LRP1B: variants seen among roughly 807,000 people sequenced by gnomAD.
The protein encoded by LRP1B is low-density lipoprotein receptor-related protein 1B.
LRP1B carries 217 observed loss-of-function variants against 556.6 expected under a neutral mutation model. That is an observed-to-expected ratio of 0.39 (90% CI 0.35 to 0.44). The LOEUF (loss-of-function observed/expected upper bound fraction) is 0.44, where lower values mean the gene tolerates loss of function less well. Among genes scored for constraint, LRP1B ranks in the 20% least tolerant of loss-of-function variants. The probability of loss-of-function intolerance (pLI) is 1.00; values close to 1 mark genes in which losing one functional copy is unlikely to be tolerated. For synonymous variants in LRP1B, 2,047 were observed against 1,865.8 expected (o/e 1.10, Z -2.50); for missense variants, 5,053 against 5,620.8 (o/e 0.90, Z 3.23).
chr2:141,692,627 T>G (rs1322667549), intron 2 of LRP1B, among the ~76,000 whole-genome samples: 1 of 151,960 alleles, frequency 6.6e-6, no homozygotes, highest in Non-Finnish European at 1.5e-5. Context: ...ATTAGAGTCA[T>G]GAGTCCCTCC....
intron 32 of LRP1B, among the ~76,000 whole-genome samples, chr2:140,784,432 G>T (rs886962074): frequency 2.5e-5 from 3 of 117,830 alleles, no homozygotes; most frequent in African/African-American, 8.3e-5. Context: ...AAAAGGCTCA[G>T]TGCAGCTATT....
At chr2:141,135,378 C>T (rs1292478039) in intron 7 of LRP1B, among the ~76,000 whole-genome samples, 2 of 151,940 alleles carry the variant, frequency 1.3e-5, no homozygotes, top group African/African-American at 2.4e-5. Context: ...TTGAGTGCTG[C>T]AGGTGGCATT....
chr2:141,681,821 C>T (rs545486269), intron 2 of LRP1B, among the ~76,000 whole-genome samples: 13 of 152,252 alleles, frequency 8.5e-5, no homozygotes, highest in South Asian at 2.1e-4. Flanking sequence ...TTATCTCCCA[C>T]GTCTTACTGT....
chr2:141,387,721 A>C (rs1689882331), intron 3 of LRP1B, among the ~76,000 whole-genome samples: 1 of 152,162 alleles, frequency 6.6e-6, no homozygotes, highest in African/African-American at 2.4e-5. Context: ...TCACTGGTGA[A>C]TTCTACCAAA....
chr2:140,445,457 T>C (rs558932196), intron 63 of LRP1B, among the ~76,000 whole-genome samples: 64 of 152,300 alleles, frequency 4.2e-4, no homozygotes, highest in African/African-American at 1.5e-3. Flanking sequence ...AAATGCTTTC[T>C]ATATCTATCA....
chr2:141,984,530 C>A (rs1171199346), intron 1 of LRP1B, among the ~76,000 whole-genome samples: 3 of 151,914 alleles, frequency 2.0e-5, no homozygotes, highest in Non-Finnish European at 4.4e-5. Flanking sequence ...CATTAAGGAC[C>A]ACCCCAACAC....
intron 1 of LRP1B, among the ~76,000 whole-genome samples, chr2:142,126,828 A>G (rs1707672093): frequency 6.6e-6 from 1 of 151,880 alleles, no homozygotes; most frequent in Non-Finnish European, 1.5e-5. Context: ...CAACATCATA[A>G]TCCTTGTAGA....
chr2:141,335,464 C>G (rs577560213), intron 3 of LRP1B, among the ~76,000 whole-genome samples: 24 of 152,178 alleles, frequency 1.6e-4, no homozygotes, highest in African/African-American at 5.8e-4. Context: ...TTTAGGGTCA[C>G]GCTAAGGACC....
In LRP1B at chr2:140,832,705, TAG is replaced by T. The variant is rs1187771572; in HGVS notation, c.5209+7284_5209+7285del. The stretch of plus-strand genomic sequence containing the variant: ...GCTAAAAAAGTAGATCTCTTGTGGG[TAG>T]AGAGTTGATTGGTGGTTGCAAGAGG... On this transcript the variant is annotated intron_variant, in intron 31 of 90. Coordinates refer to ENST00000389484, the MANE Select transcript of LRP1B (RefSeq NM_018557.3). Among the ~76,000 whole-genome samples, 9 of 152,176 alleles carry T rather than the reference TAG, an allele frequency of 5.9e-5. No individual in the cohort carries two copies. The East Asian group carries it at 1.4e-3, about 23-fold the overall frequency.
chr2:141,221,237 A>C (rs1447209000), intron 6 of LRP1B, among the ~76,000 whole-genome samples: 1 of 151,996 alleles, frequency 6.6e-6, no homozygotes, highest in East Asian at 1.9e-4. Context: ...AGCAGAAAAA[A>C]GCAAGGGTTG....
chr2:140,440,174 C>T (rs972845797), intron 66 of LRP1B, among the ~76,000 whole-genome samples: 2 of 152,134 alleles, frequency 1.3e-5, no homozygotes, highest in African/African-American at 4.8e-5. Flanking sequence ...ACTAGGTGAA[C>T]TCCAAGAGCA....
chr2:141,261,101 A>G (rs1684667126), intron 3 of LRP1B, among the ~76,000 whole-genome samples: 1 of 152,172 alleles, frequency 6.6e-6, no homozygotes. Context: ...TATGCTTGAC[A>G]TATTTAGAAT....
intron 43 of LRP1B, among the ~76,000 whole-genome samples, chr2:140,565,963 A>G (rs1681109502): frequency 6.6e-6 from 1 of 152,134 alleles, no homozygotes; most frequent in African/African-American, 2.4e-5. Context: ...CAGCTGAAGG[A>G]GCTGCCTGGA....
At chr2:140,715,067 T>A (rs1034807377) in intron 37 of LRP1B, among the ~76,000 whole-genome samples, 5 of 151,938 alleles carry the variant, frequency 3.3e-5, no homozygotes, top group Non-Finnish European at 5.9e-5. Flanking sequence ...TGGAATAGAA[T>A]AAGAAATATT....
chr2:142,116,122 G>A (rs1267607402), intron 1 of LRP1B, among the ~76,000 whole-genome samples: 1 of 143,172 alleles, frequency 7.0e-6, no homozygotes, highest in Non-Finnish European at 1.5e-5. Flanking sequence ...GAGCCTGGGA[G>A]GAGGAGGTTG....
In LRP1B at chr2:140,964,158, G is replaced by C. The variant is rs542499211; in HGVS notation, c.2888-12218C>G. On this transcript the variant is annotated intron_variant, in intron 18 of 90. Transcript: ENST00000389484. ...GAGGCAGAGAGGGAGAGGAGACAAA[G>C]AGAAAGACAGCTTACGCCATTATTT... 8.5e-5 allele frequency among the ~76,000 whole-genome samples: 13 copies of C among 152,306 alleles called. No individual in the cohort carries two copies. In the South Asian group the frequency reaches 2.3e-3, roughly 27 times the overall value.
chr2:141,078,939 A>T (rs1001427961), intron 7 of LRP1B, among the ~76,000 whole-genome samples: 52 of 152,228 alleles, frequency 3.4e-4, no homozygotes, highest in Non-Finnish European at 6.3e-4. Flanking sequence ...AAAGTATAAT[A>T]GAGACCTAGG....
chr2:141,686,340 T>A (rs1251101506), intron 2 of LRP1B, among the ~76,000 whole-genome samples: 1 of 151,870 alleles, frequency 6.6e-6, no homozygotes, highest in African/African-American at 2.4e-5. Context: ...AAAATATAAA[T>A]GTTTGGGTCA....
intron 41 of LRP1B, among the ~76,000 whole-genome samples, chr2:140,682,651 C>G (rs1685898769): frequency 6.7e-6 from 1 of 148,250 alleles, no homozygotes; most frequent in Non-Finnish European, 1.5e-5. Flanking sequence ...GGAAGACACA[C>G]TTTTCTCTAG....
Sources: allele counts gnomAD v4.1 joint callset (sites outside exome capture counted in the v4.1 genomes callset), GRCh38; gene constraint gnomAD v4.1.1; transcripts MANE v1.5; gene names NCBI Gene and HGNC (gene_info 2026-07-23, HGNC 2026-07-21).